APBB2: variants seen among roughly 807,000 people sequenced by gnomAD.
APBB2 encodes the protein Fe65-like 1.
APBB2 carries 38 observed loss-of-function variants against 82.5 expected under a neutral mutation model. The observed-to-expected ratio is 0.46, with a 90% CI of 0.36 to 0.60. The LOEUF (loss-of-function observed/expected upper bound fraction) is 0.60. Among genes scored for constraint, APBB2 ranks in the 20% least tolerant of loss-of-function variants. APBB2 has a pLI of 0.00. For missense variants in APBB2, 772 were observed against 972.3 expected (o/e 0.79, Z 2.74); for synonymous variants, 341 against 368.2 (o/e 0.93, Z 0.85).
At chr4:41,212,942 C>T (rs879468739) in intron 1 of APBB2, among the ~76,000 whole-genome samples, 3 of 152,108 alleles carry the variant, frequency 2.0e-5, no homozygotes, top group African/African-American at 4.8e-5. Flanking sequence ...AAGTTGAAAA[C>T]GAGAAGGTTG....
chr4:41,071,063 G>T (rs565235940), intron 3 of APBB2, among the ~76,000 whole-genome samples: 5 of 152,306 alleles, frequency 3.3e-5, no homozygotes, highest in South Asian at 2.1e-4. Context: ...TTACTATGCT[G>T]ATGTGGGGCA....
intron 10 of APBB2, among the ~76,000 whole-genome samples, chr4:40,916,556 T>C (rs951270063): frequency 6.6e-6 from 1 of 152,174 alleles, no homozygotes; most frequent in South Asian, 2.1e-4. Flanking sequence ...ATTTGGCCCA[T>C]GTAGACTTAT....
chr4:40,958,385 T>C (rs920258543), intron 6 of APBB2, among the ~76,000 whole-genome samples: 2 of 152,160 alleles, frequency 1.3e-5, no homozygotes, highest in Non-Finnish European at 2.9e-5. Flanking sequence ...AAAAGCTTAA[T>C]AAAAACTTAA....
intron 2 of APBB2, among the ~76,000 whole-genome samples, chr4:41,111,657 T>C (rs75196164): frequency 7.5e-4 from 114 of 152,262 alleles, no homozygotes; most frequent in African/African-American, 2.7e-3. Context: ...TCTCTCTATA[T>C]ATACATGCAC....
chr4:40,922,123 T>A (rs1781411372), intron 10 of APBB2, among the ~76,000 whole-genome samples: 1 of 152,202 alleles, frequency 6.6e-6, no homozygotes, highest in South Asian at 2.1e-4. Context: ...TAAGTGAAAT[T>A]ATTTATGTGT....
chr4:41,154,754 G>A (rs1326551073), intron 1 of APBB2, among the ~76,000 whole-genome samples: 2 of 151,972 alleles, frequency 1.3e-5, no homozygotes, highest in Admixed American at 6.5e-5. Flanking sequence ...GTGTTTTTTG[G>A]TCCCAAAACT....
At chr4:40,843,775 T>C (rs1756680759) in intron 12 of APBB2, among the ~76,000 whole-genome samples, 1 of 152,208 alleles carries the variant, frequency 6.6e-6, no homozygotes, top group African/African-American at 2.4e-5. Context: ...TAACAGTAAC[T>C]GGACAAGGTC....
rs527309122 is a variant in APBB2 at position 41,098,680 on chromosome 4, A to G, written c.-149+1959T>C. ...TATAATGTAAAGAAAATACTGCACT[A>G]GAGACTATGTGAAATTTTAAAGAAA... On this transcript the variant is annotated intron_variant, in intron 3 of 17. Coordinates refer to ENST00000508593, the MANE Select transcript of APBB2 (RefSeq NM_004307.2). Among the ~76,000 whole-genome samples, 29 of 152,348 alleles carry G rather than the reference A, an allele frequency of 1.9e-4. No homozygotes were observed. The South Asian group carries it at 4.6e-3, about 24-fold the overall frequency.
intron 12 of APBB2, among the ~76,000 whole-genome samples, chr4:40,867,853 A>G (rs904487283): frequency 3.1e-4 from 40 of 127,664 alleles, no homozygotes; most frequent in African/African-American, 1.1e-3. Flanking sequence ...AAGCTTAGAC[A>G]ATTTCTGGGG....
At chr4:40,886,728 A>G (rs1770417013) in intron 12 of APBB2, among the ~76,000 whole-genome samples, 1 of 152,212 alleles carries the variant, frequency 6.6e-6, no homozygotes, top group South Asian at 2.1e-4. Flanking sequence ...CGCCAAGGGC[A>G]GAAATGCCAG....
At chr4:40,944,772 T>C in intron 7 of APBB2, 93 bp downstream of exon 7, 9 of 1,258,024 alleles carry the variant, frequency 7.2e-6, no homozygotes, top group Non-Finnish European at 1.0e-5. Flanking sequence ...AAAGCTTACC[T>C]TGATGACCTG....
At chr4:41,068,340 G>C (rs1732642053) in intron 3 of APBB2, among the ~76,000 whole-genome samples, 1 of 152,164 alleles carries the variant, frequency 6.6e-6, no homozygotes, top group South Asian at 2.1e-4. Context: ...TCACAGAAAT[G>C]AAACTGGGTA....
intron 4 of APBB2, among the ~76,000 whole-genome samples, chr4:41,056,716 C>A (rs140266935): frequency 1.3e-5 from 2 of 152,288 alleles, no homozygotes; most frequent in East Asian, 1.9e-4. Context: ...CTTAACTGTA[C>A]CTTTTCCCTC....
chr4:41,012,082 T>G (rs1808531218), intron 6 of APBB2, among the ~76,000 whole-genome samples: 1 of 152,110 alleles, frequency 6.6e-6, no homozygotes, highest in African/African-American at 2.4e-5. Context: ...CTTGAACTTG[T>G]GGGCTCAGGT....
chr4:41,135,890 C>G (rs536539136), intron 2 of APBB2, among the ~76,000 whole-genome samples: 1 of 152,318 alleles, frequency 6.6e-6, no homozygotes, highest in South Asian at 2.1e-4. Flanking sequence ...ATGCTGGTCT[C>G]AAGCTCCTGG....
At chr4:40,998,342 G>A (rs1432750555) in intron 6 of APBB2, among the ~76,000 whole-genome samples, 1 of 152,152 alleles carries the variant, frequency 6.6e-6, no homozygotes, top group Non-Finnish European at 1.5e-5. Flanking sequence ...ATAAAATTAT[G>A]TATGGATAAA....
At chr4:41,120,365 G>C (rs1752442247) in intron 2 of APBB2, among the ~76,000 whole-genome samples, 1 of 152,104 alleles carries the variant, frequency 6.6e-6, no homozygotes, top group South Asian at 2.1e-4. Flanking sequence ...AAGTGCCTTT[G>C]CATGCAGTGG....
At chr4:40,970,617 G>A (rs1337521255) in intron 6 of APBB2, among the ~76,000 whole-genome samples, 2 of 152,154 alleles carry the variant, frequency 1.3e-5, no homozygotes, top group Non-Finnish European at 2.9e-5. Flanking sequence ...TAGACTCAGA[G>A]TAGTTCTCCC....
chr4:41,191,243 T>TA (rs1365735241), intron 1 of APBB2, among the ~76,000 whole-genome samples: 1 of 152,148 alleles, frequency 6.6e-6, no homozygotes, highest in Non-Finnish European at 1.5e-5. Context: ...CTTTAACCAA[T>TA]AAACAGCCTT....
Sources: gnomAD v4.1 joint callset for allele counts (sites outside exome capture counted in the v4.1 genomes callset) on GRCh38, gnomAD v4.1.1 for gene constraint, MANE v1.5 for transcripts, NCBI Gene and HGNC (gene_info 2026-07-23, HGNC 2026-07-21) for gene names.